ADCY3: variants seen among roughly 807,000 people sequenced by gnomAD.
ADCY3 encodes adenylate cyclase 3.
ADCY3 carries 70 observed loss-of-function variants against 119.4 expected under a neutral mutation model. The ratio of observed to expected loss-of-function variants is 0.59; its 90% CI spans 0.48 to 0.72. ADCY3 has a LOEUF of 0.72. ADCY3 is among the 30% of genes least tolerant of loss of function. The pLI, the probability that ADCY3 is intolerant of heterozygous loss-of-function variation, is 0.00. For missense variants in ADCY3, 1,238 were observed against 1,541.6 expected (o/e 0.80, Z 3.30); for synonymous variants, 672 against 621.4 (o/e 1.08, Z -1.21).
At chr2:24,850,432 T>C (rs1014917853) in intron 3 of ADCY3, among the ~76,000 whole-genome samples, 3 of 152,288 alleles carry the variant, frequency 2.0e-5, no homozygotes, top group Admixed American at 6.5e-5. Flanking sequence ...CCAGGTGAAC[T>C]GGCAAATGGG....
chr2:24,906,273 C>T (rs1414897748), intron 2 of ADCY3, among the ~76,000 whole-genome samples: 1 of 150,148 alleles, frequency 6.7e-6, no homozygotes, highest in African/African-American at 2.5e-5. Context: ...TGCCACTGCA[C>T]TCCAGCCTAG....
rs139407103 is a variant in ADCY3, at chr2:24,838,446, G to A, written c.1532C>T (p.Ser511Leu). 1,369 of 1,611,882 alleles carry A rather than the reference G, an allele frequency of 8.5e-4. 1 individual carries two copies. Among genetic ancestry groups the A allele is most frequent in the Non-Finnish European group, 1.1e-3 (1,291 of 1,179,796 alleles). ...GGTGGGGTGGGGTGGGGAACTCACC[G>A]AGCCATTGAGGCCATTCTGGGTGGC... is the stretch of plus-strand genomic sequence containing the variant. ...KTATQNGLNG[S>L]ALPNGAPASS... Residue 511 changes from serine (S) to leucine (L), a missense_variant and splice_region_variant, in exon 8 of 22, where the codon TCG becomes TTG. Physicochemically the swap from Ser to Leu is moderately radical, Grantham distance 145 (BLOSUM62 -2). Transcript: ENST00000679454.
chr2:24,846,221 C>T (rs1671636107), intron 3 of ADCY3, among the ~76,000 whole-genome samples: 1 of 152,158 alleles, frequency 6.6e-6, no homozygotes, highest in Non-Finnish European at 1.5e-5. Flanking sequence ...CTCCAGACCC[C>T]AGAATGGTAG....
rs146359906 is a variant in ADCY3, at chr2:24,915,251, G to C, written c.675+3062C>G. ...ACCCTGGAGGGAGTCCCCAGCCAGA[G>C]CCGACAGGGGATGGGAGAGAGAAAG... On this transcript the variant is annotated intron_variant, in intron 2 of 21. Coordinates refer to ENST00000679454, the MANE Select transcript of ADCY3 (RefSeq NM_004036.5). 5.0e-3 allele frequency among the ~76,000 whole-genome samples: 757 copies of C among 152,362 alleles called. 1 individual carries two copies. The highest frequency in any genetic ancestry group is 0.017 in the Middle Eastern group (5 of 294).
rs924812350 is a variant in ADCY3 at position 24,885,434 on chromosome 2, C to T, written c.676-12715G>A. The stretch of plus-strand genomic sequence containing the variant: ...ACAGGTCTCACTTCTGCCAACACTA[C>T]GCCCCAGCTAGGAACACAGCACCCA... On this transcript the variant is annotated intron_variant, in intron 2 of 21. Coordinates refer to ENST00000679454, the MANE Select transcript of ADCY3 (RefSeq NM_004036.5). 2.6e-5 allele frequency among the ~76,000 whole-genome samples: 4 copies of T among 152,350 alleles called. 1 individual carries two copies. The South Asian group carries it at 6.2e-4, about 24-fold the overall frequency.
chr2:24,823,032 C>T (rs1668020767), intron 18 of ADCY3, among the ~76,000 whole-genome samples, 177 bp downstream of exon 18: 1 of 152,170 alleles, frequency 6.6e-6, no homozygotes, highest in East Asian at 1.9e-4. Flanking sequence ...CGGGCTCCCA[C>T]CTCACCTCCC....
At chr2:24,822,289 G>GC in intron 19 of ADCY3, 1 of 553,600 alleles carries the variant, frequency 1.8e-6, no homozygotes, top group South Asian at 2.3e-5. Context: ...ACCATCTTAG[G>GC]CCTGAGCTGT....
At chr2:24,890,076 A>G (rs930173254) in intron 2 of ADCY3, among the ~76,000 whole-genome samples, 1 of 152,164 alleles carries the variant, frequency 6.6e-6, no homozygotes, top group Non-Finnish European at 1.5e-5. Context: ...CATTTGACAA[A>G]ATTGAGATGA....
In ADCY3 at chr2:24,899,378, T is replaced by C. The variant is rs1241516902; in HGVS notation, c.675+18935A>G. Among the ~76,000 whole-genome samples, 2 of 152,226 alleles carry C rather than the reference T, an allele frequency of 1.3e-5. No homozygotes were observed. The highest frequency in any genetic ancestry group is 1.3e-4 in the Admixed American group (2 of 15,286). ...TTCTCTTGCGACCAAAGCCCATGTC[T>C]GTCTAAGAGCGGGACCTCACTCTCG... On this transcript the variant is annotated intron_variant, in intron 2 of 21. Coordinates refer to ENST00000679454, the MANE Select transcript of ADCY3 (RefSeq NM_004036.5). The surrounding 1 kb of genome is among the most constrained non-coding windows in gnomAD (Gnocchi z 4.5).
chr2:24,854,343 G>A (rs983250146), intron 3 of ADCY3, among the ~76,000 whole-genome samples: 2 of 152,226 alleles, frequency 1.3e-5, no homozygotes, highest in African/African-American at 2.4e-5. Context: ...TATCACCCAG[G>A]GGTTTTGGGG....
chr2:24,832,604 AGTCACCTCTCACCCCTCCTT>A (rs1669752247), intron 11 of ADCY3, among the ~76,000 whole-genome samples: 1 of 152,098 alleles, frequency 6.6e-6, no homozygotes, highest in Non-Finnish European at 1.5e-5. Context: ...TCCCATTTTC[AGTCACCTCTCACCCCTCCTT>A]GAGACACTTT....
intron 3 of ADCY3, among the ~76,000 whole-genome samples, chr2:24,860,120 G>T (rs1404367554): frequency 6.6e-6 from 1 of 152,220 alleles, no homozygotes; most frequent in Non-Finnish European, 1.5e-5. Flanking sequence ...CCGATCCCTG[G>T]GAAGTGATTC....
chr2:24,825,835 G>GCCTGATTCCCTCCAAC, intron 16 of ADCY3: 1 of 582,560 alleles, frequency 1.7e-6, no homozygotes, highest in Non-Finnish European at 3.1e-6. Context: ...CCTGGAGGGG[G>GCCTGATTCCCTCCAAC]TCGGACGGAA....
chr2:24,841,198 C>T lies in ADCY3; in HGVS notation c.1196+61G>A, dbSNP rs142355699. On this transcript the variant is annotated intron_variant, in intron 6 of 21. Coordinates refer to ENST00000679454, the MANE Select transcript of ADCY3 (RefSeq NM_004036.5). This position sits in a 1 kb window ranked among gnomAD's most constrained non-coding sequence, Gnocchi z 5.8. ...GGCCAGCGCGGAAGACCTGCTTCTC[C>T]CTGGGTCCAGGGCCGGGGCCCTTGC... 1.5e-5 allele frequency: 23 copies of T among 1,492,558 alleles called. No homozygotes were observed. The East Asian group carries it at 5.2e-4, about 34-fold the overall frequency. The allele number at this position is 1,492,558 out of a possible 1,614,324, so 92.5% of individuals were successfully genotyped here. A position where few individuals can be genotyped will look rare whatever the true frequency, so the allele number is the denominator to read the frequency against.
At chr2:24,896,243 G>C (rs1212167536) in intron 2 of ADCY3, among the ~76,000 whole-genome samples, 1 of 152,078 alleles carries the variant, frequency 6.6e-6, no homozygotes, top group Non-Finnish European at 1.5e-5. Context: ...AAATTAGCCA[G>C]GCATGGTGGC....
rs117580694 is a variant in ADCY3 at position 24,916,930 on chromosome 2, C to T, written c.675+1383G>A. ...GGCTGGGGGTCAATGCCTGGGCTCC[C>T]GTCCTGTTTCTGCCACCAAAGTGCT... is the stretch of plus-strand genomic sequence containing the variant. On this transcript the variant is annotated intron_variant, in intron 2 of 21. Transcript: ENST00000679454. Among the ~76,000 whole-genome samples, 449 of 152,286 alleles carry T rather than the reference C, an allele frequency of 2.9e-3. 2 individuals are homozygous for T. The highest frequency in any genetic ancestry group is 8.9e-3 in the African/African-American group (372 of 41,566).
chr2:24,842,601 C>T lies in ADCY3; in HGVS notation c.826-217G>A. On this transcript the variant is annotated intron_variant, in intron 3 of 21. Transcript: ENST00000679454. This position sits in a 1 kb window ranked among gnomAD's most constrained non-coding sequence, Gnocchi z 4.9. ...AGGCTGAGGGTGGCAATGGCCCCTT[C>T]AGAGCAACTGAGGGGAGCCAGAAAC... The T allele has an allele frequency of 3.5e-6, 2 of 567,388 alleles. No individual in the cohort carries two copies. The highest frequency in any genetic ancestry group is 6.2e-6 in the Non-Finnish European group (2 of 321,942). The allele number at this position is 567,388 out of a possible 1,614,324, so 35.1% of individuals were successfully genotyped here.
rs568301934 is a variant in ADCY3, at chr2:24,875,823, T to C, written c.676-3104A>G. Among the ~76,000 whole-genome samples, 5 of 152,326 alleles carry C rather than the reference T, an allele frequency of 3.3e-5. No homozygotes were observed. In the South Asian group the frequency reaches 6.2e-4, roughly 19 times the overall value. ...TGTCACTCTGGTTTTACAGAAGGAA[T>C]TGAGATTAAATTAAACAAGGTGTTA... On this transcript the variant is annotated intron_variant, in intron 2 of 21. Transcript: ENST00000679454.
At chr2:24,836,716 G>A (rs1168235825) in intron 9 of ADCY3, among the ~76,000 whole-genome samples, 2 of 152,202 alleles carry the variant, frequency 1.3e-5, no homozygotes, top group Non-Finnish European at 2.9e-5. Flanking sequence ...ACTCACCCCG[G>A]CATGTAACTG....
Sources: allele counts gnomAD v4.1 joint callset (sites outside exome capture counted in the v4.1 genomes callset), GRCh38; gene constraint gnomAD v4.1.1; non-coding constraint Gnocchi (gnomAD v3.1); transcripts MANE v1.5; gene names NCBI Gene and HGNC (gene_info 2026-07-23, HGNC 2026-07-21).